Variants in GRIN2B observed in about 807,000 individuals in gnomAD.
The protein encoded by GRIN2B is glutamate receptor ionotropic, NMDA 2B.
GRIN2B carries 5 observed loss-of-function variants against 114.5 expected under a neutral mutation model. That is an observed-to-expected ratio of 0.04 (90% CI 0.02 to 0.09). GRIN2B has a LOEUF of 0.09. Among genes scored for constraint, GRIN2B ranks in the 10% least tolerant of loss-of-function variants. The probability of loss-of-function intolerance (pLI) is 1.00; values close to 1 mark genes in which losing one functional copy is unlikely to be tolerated. For synonymous variants in GRIN2B, 787 were observed against 745.1 expected, an observed-to-expected ratio of 1.06 and a Z score of -0.92; for missense variants, 1,108 against 1,943.5, an observed-to-expected ratio of 0.57 and a Z score of 8.08.
intron 10 of GRIN2B, among the ~76,000 whole-genome samples, chr12:13,583,831 C>T (rs1565462806): frequency 6.6e-6 from 1 of 152,102 alleles, no homozygotes; most frequent in Non-Finnish European, 1.5e-5. Flanking sequence ...GAAACCATCC[C>T]ATGGAGCACA....
At chr12:13,752,147 TC>T (rs1011458044) in intron 4 of GRIN2B, among the ~76,000 whole-genome samples, 12 of 152,220 alleles carry the variant, frequency 7.9e-5, no homozygotes, top group African/African-American at 2.9e-4. Context: ...CCACTCAACC[TC>T]CACTATATGT....
chr12:13,835,599 C>T (rs754806285), intron 3 of GRIN2B, among the ~76,000 whole-genome samples: 4 of 151,686 alleles, frequency 2.6e-5, no homozygotes, highest in Non-Finnish European at 5.9e-5. Flanking sequence ...CATAGACCCA[C>T]GTGCAATGGG....
Position 13,547,959 on chromosome 12 carries a change from G to GTGTGTATATATATATA in GRIN2B, c.*14823_*14824insTATATATATATACACA, listed in dbSNP as rs796607856. On this transcript the variant is annotated 3_prime_UTR_variant, in exon 14 of 14. Coordinates refer to ENST00000609686, the MANE Select transcript of GRIN2B (RefSeq NM_000834.5). Reference sequence around the variant, plus strand: ...TATGTATGTATGTATGTATGTGTGTGTATATATATATATATATATATATTT... The same window carrying GTGTGTATATATATATA: ...TATGTATGTATGTATGTATGTGTGTGTGTGTATATATATATATATATATATATATATATATATATTT... 4.0e-4 allele frequency: 37 copies of GTGTGTATATATATATA among 91,408 alleles called. 3 individuals are homozygous for GTGTGTATATATATATA. Among genetic ancestry groups the GTGTGTATATATATATA allele is most frequent in the Non-Finnish European group, 4.8e-4 (22 of 46,204 alleles). The allele number at this position is 91,408 out of a possible 1,614,324, so 5.7% of individuals were successfully genotyped here. A position where few individuals can be genotyped will look rare whatever the true frequency, so the allele number is the denominator to read the frequency against.
intron 2 of GRIN2B, among the ~76,000 whole-genome samples, chr12:13,939,126 A>G (rs1271800803): frequency 6.6e-6 from 1 of 152,144 alleles, no homozygotes. Flanking sequence ...TTACTAATCA[A>G]CTTTGTTGAT....
At chr12:13,689,893 G>A (rs1950200905) in intron 4 of GRIN2B, among the ~76,000 whole-genome samples, 1 of 152,090 alleles carries the variant, frequency 6.6e-6, no homozygotes, top group South Asian at 2.1e-4. Flanking sequence ...TCTTGCTCAT[G>A]CTTATGGACT....
chr12:13,809,775 T>C (rs1036894033), intron 3 of GRIN2B, among the ~76,000 whole-genome samples: 5 of 152,234 alleles, frequency 3.3e-5, no homozygotes, highest in Non-Finnish European at 7.3e-5. Flanking sequence ...ATTGGCCTTT[T>C]GTCCCACTTT....
At chr12:13,711,701 A>G (rs1950416747) in intron 4 of GRIN2B, among the ~76,000 whole-genome samples, 1 of 152,136 alleles carries the variant, frequency 6.6e-6, no homozygotes, top group Admixed American at 6.5e-5. Context: ...ACCAGTTAGA[A>G]TGGCAATCAT....
At chr12:13,587,246 A>AG (rs1280849524) in intron 10 of GRIN2B, among the ~76,000 whole-genome samples, 39 of 152,116 alleles carry the variant, frequency 2.6e-4, no homozygotes, top group African/African-American at 9.4e-4. Context: ...ATTCCCTGGA[A>AG]ACCCTTGTCT....
chr12:13,597,040 C>T (rs1949082740), intron 10 of GRIN2B, among the ~76,000 whole-genome samples: 1 of 152,228 alleles, frequency 6.6e-6, no homozygotes, highest in Admixed American at 6.5e-5. Context: ...GGGGTCAGCT[C>T]TCTGGATCAA....
At chr12:13,697,514 ACTT>A (rs773349965) in intron 4 of GRIN2B, among the ~76,000 whole-genome samples, 3 of 152,038 alleles carry the variant, frequency 2.0e-5, no homozygotes, top group African/African-American at 4.8e-5. Context: ...CTAGAAGGAG[ACTT>A]CTTATTTGAC....
chr12:13,653,891 C>A (rs1949840099), intron 5 of GRIN2B, among the ~76,000 whole-genome samples: 1 of 152,088 alleles, frequency 6.6e-6, no homozygotes, highest in South Asian at 2.1e-4. Context: ...GTCCATCTTT[C>A]CTCTTTTCTG....
intron 5 of GRIN2B, among the ~76,000 whole-genome samples, chr12:13,641,660 G>A (rs760125053): frequency 2.0e-4 from 31 of 152,030 alleles, no homozygotes; most frequent in Non-Finnish European, 3.5e-4. Flanking sequence ...CAAAGTCATG[G>A]ATGATCATCT....
chr12:13,889,563 T>C (rs1408934046), intron 2 of GRIN2B, among the ~76,000 whole-genome samples: 1 of 152,140 alleles, frequency 6.6e-6, no homozygotes, highest in Non-Finnish European at 1.5e-5. Flanking sequence ...ATTTTGTAAA[T>C]GGACAAATCA....
intron 3 of GRIN2B, among the ~76,000 whole-genome samples, chr12:13,839,871 AC>A (rs1865348043): frequency 6.6e-6 from 1 of 152,220 alleles, no homozygotes; most frequent in African/African-American, 2.4e-5. Context: ...ATTTTATTGA[AC>A]GGTCCAGTAA....
At chr12:13,585,279 C>G (rs952372208) in intron 10 of GRIN2B, among the ~76,000 whole-genome samples, 1 of 152,118 alleles carries the variant, frequency 6.6e-6, no homozygotes, top group African/African-American at 2.4e-5. Context: ...CTCCGCCAGG[C>G]GGAGGCCAGG....
intron 3 of GRIN2B, among the ~76,000 whole-genome samples, chr12:13,823,155 T>C (rs1291858496): frequency 6.6e-6 from 1 of 152,088 alleles, no homozygotes; most frequent in Non-Finnish European, 1.5e-5. Flanking sequence ...AGGTCCTTTG[T>C]ATTTCCATAA....
chr12:13,968,302 A>G (rs1421448498), intron 2 of GRIN2B, among the ~76,000 whole-genome samples: 1 of 152,260 alleles, frequency 6.6e-6, no homozygotes. Flanking sequence ...TTATTATTTC[A>G]TATAGCCCAT....
intron 5 of GRIN2B, among the ~76,000 whole-genome samples, chr12:13,623,045 A>G (rs1247701514): frequency 6.6e-6 from 1 of 152,218 alleles, no homozygotes; most frequent in East Asian, 1.9e-4. Flanking sequence ...ATCTACATAT[A>G]TACAAAGAAG....
chr12:13,824,599 A>G (rs933540194), intron 3 of GRIN2B, among the ~76,000 whole-genome samples: 1 of 152,128 alleles, frequency 6.6e-6, no homozygotes, highest in African/African-American at 2.4e-5. Flanking sequence ...TCACGCCTGT[A>G]ATCCCTCCAC....
Sources: allele counts gnomAD v4.1 joint callset (sites outside exome capture counted in the v4.1 genomes callset), GRCh38; gene constraint gnomAD v4.1.1; transcripts MANE v1.5; gene names NCBI Gene and HGNC (gene_info 2026-07-23, HGNC 2026-07-21).